TENM3: variants seen among roughly 807,000 people sequenced by gnomAD.
TENM3 encodes the protein teneurin-3.
A neutral mutation model predicts 255.1 loss-of-function variants in TENM3; 63 were observed. That is an observed-to-expected ratio of 0.25 (90% CI 0.20 to 0.30). The LOEUF is 0.30. Ranked by LOEUF, TENM3 falls within the 10% of genes least tolerant of loss-of-function variation. The probability of loss-of-function intolerance (pLI) is 1.00; values close to 1 mark genes in which losing one functional copy is unlikely to be tolerated. For synonymous variants in TENM3, 1,306 were observed against 1,322.3 expected (o/e 0.99, Z 0.27); for missense variants, 2,929 against 3,461.1 (o/e 0.85, Z 3.86).
the TENM3 span, among the ~76,000 whole-genome samples, chr4:182,046,875 C>T: frequency 0.013 from 1,989 of 152,224 alleles, 50 homozygotes; most frequent in African/African-American, 0.045. Flanking sequence ...TTTTAGGTAG[C>T]GTGCAGATAT....
the TENM3 span, among the ~76,000 whole-genome samples, chr4:181,592,524 C>T: frequency 1.3e-5 from 2 of 152,004 alleles, no homozygotes; most frequent in African/African-American, 4.8e-5. Context: ...AAGAAACAAG[C>T]CCATTCTCAG....
intron 3 of TENM3, among the ~76,000 whole-genome samples, chr4:182,509,894 G>A (rs183343960): frequency 1.5e-5 from 2 of 136,942 alleles, no homozygotes; most frequent in Admixed American, 1.7e-4. Flanking sequence ...CCGAGACTGC[G>A]CCATTGCACT....
chr4:181,708,572 G>GAT, the TENM3 span, among the ~76,000 whole-genome samples: 662 of 38,518 alleles, frequency 0.017, 5 homozygotes, highest in Middle Eastern at 0.028. Flanking sequence ...ATAACTGAAG[G>GAT]ATTTTTTTTT....
chr4:181,536,922 T>A, the TENM3 span, among the ~76,000 whole-genome samples: 1 of 152,198 alleles, frequency 6.6e-6, no homozygotes, highest in African/African-American at 2.4e-5. Context: ...TGAACTCTGC[T>A]CAGTGATACA....
intron 24 of TENM3, among the ~76,000 whole-genome samples, chr4:182,785,348 AGACATGAGCCACCCCTCCC>A (rs2152818257): frequency 6.6e-6 from 1 of 152,136 alleles, no homozygotes; most frequent in Non-Finnish European, 1.5e-5. Context: ...TTGGAATTAC[AGACATGAGCCACCCCTCCC>A]GGTCTTAACC....
At chr4:181,475,254 A>G in the TENM3 span, among the ~76,000 whole-genome samples, 1 of 152,222 alleles carries the variant, frequency 6.6e-6, no homozygotes, top group Non-Finnish European at 1.5e-5. Context: ...ATAGACCACT[A>G]GGACCTGACA....
At chr4:182,185,841 T>A (rs567637070) in intron 1 of TENM3, among the ~76,000 whole-genome samples, 1 of 152,312 alleles carries the variant, frequency 6.6e-6, no homozygotes, top group East Asian at 1.9e-4. Context: ...GCCAAAGTGA[T>A]TCAAAATGAA....
At chr4:182,219,339 C>T (rs1755711795) in intron 1 of TENM3, among the ~76,000 whole-genome samples, 1 of 152,300 alleles carries the variant, frequency 6.6e-6, no homozygotes, top group East Asian at 1.9e-4. Context: ...TCATCAAATA[C>T]ATTTGCTCAA....
chr4:182,237,072 G>T (rs947497029), intron 1 of TENM3, among the ~76,000 whole-genome samples: 2 of 152,094 alleles, frequency 1.3e-5, no homozygotes, highest in African/African-American at 4.8e-5. Context: ...TCATTGTTCA[G>T]CTCCCCCTTA....
At chr4:182,598,954 C>T (rs1205426646) in intron 3 of TENM3, among the ~76,000 whole-genome samples, 1 of 152,152 alleles carries the variant, frequency 6.6e-6, no homozygotes, top group Non-Finnish European at 1.5e-5. Flanking sequence ...ATATAATATT[C>T]TTTCATGGCA....
At chr4:182,177,575 T>C (rs1198192819) in intron 1 of TENM3, among the ~76,000 whole-genome samples, 1 of 151,898 alleles carries the variant, frequency 6.6e-6, no homozygotes, top group East Asian at 1.9e-4. Flanking sequence ...AAAAAATTTA[T>C]TTAAAATGGG....
chr4:182,489,850 CTTTT>C (rs386683001), intron 3 of TENM3, among the ~76,000 whole-genome samples: 48,728 of 148,116 alleles, frequency 0.33, 8,518 homozygotes, highest in Non-Finnish European at 0.39. Context: ...TCCCTCCTTC[CTTTT>C]CTTCCCTTCC....
chr4:181,949,202 T>C, the TENM3 span, among the ~76,000 whole-genome samples: 1 of 152,340 alleles, frequency 6.6e-6, no homozygotes, highest in South Asian at 2.1e-4. Context: ...AATGTATATA[T>C]GGGTAACCGT....
At chr4:181,593,477 C>T in the TENM3 span, among the ~76,000 whole-genome samples, 1 of 152,142 alleles carries the variant, frequency 6.6e-6, no homozygotes, top group African/African-American at 2.4e-5. Context: ...GGCAACGCTG[C>T]TTTGTTAGGA....
chr4:182,253,785 A>G (rs951020842), intron 1 of TENM3, among the ~76,000 whole-genome samples: 9 of 152,216 alleles, frequency 5.9e-5, no homozygotes, highest in African/African-American at 2.2e-4. Flanking sequence ...CGAAGTTCAT[A>G]CTTACAAGAG....
At chr4:181,651,335 C>G in the TENM3 span, among the ~76,000 whole-genome samples, 1 of 152,132 alleles carries the variant, frequency 6.6e-6, no homozygotes, top group Non-Finnish European at 1.5e-5. Context: ...CACGGTGGCT[C>G]ACACCTGTAA....
At chr4:181,489,757 T>C in the TENM3 span, among the ~76,000 whole-genome samples, 1 of 152,234 alleles carries the variant, frequency 6.6e-6, no homozygotes, top group Non-Finnish European at 1.5e-5. Flanking sequence ...ATCCAGGTTT[T>C]AAACTTTATA....
chr4:182,549,916 A>G (rs1000016532), intron 3 of TENM3, among the ~76,000 whole-genome samples: 1 of 152,254 alleles, frequency 6.6e-6, no homozygotes, highest in Non-Finnish European at 1.5e-5. Context: ...GCAAGAAAAT[A>G]AGAAATGTTG....
intron 3 of TENM3, among the ~76,000 whole-genome samples, chr4:182,520,178 A>C (rs1370014339): frequency 6.6e-6 from 1 of 152,182 alleles, no homozygotes; most frequent in Non-Finnish European, 1.5e-5. Flanking sequence ...TGCAGACTAC[A>C]TGATCTTGTC....
Sources: allele counts gnomAD v4.1 joint callset (sites outside exome capture counted in the v4.1 genomes callset), GRCh38; gene constraint gnomAD v4.1.1; transcripts MANE v1.5; gene names NCBI Gene and HGNC (gene_info 2026-07-23, HGNC 2026-07-21).